Variants in COL1A2 observed in about 807,000 individuals in gnomAD.
The protein encoded by COL1A2 is collagen type I alpha 2 chain, also known as collagen alpha-2(I) chain.
Under a neutral mutation model 174.3 loss-of-function variants are expected in COL1A2, and 49 were observed. That is an observed-to-expected ratio of 0.28 (90% CI 0.22 to 0.36). COL1A2 has a LOEUF of 0.36. Among genes scored for constraint, COL1A2 ranks in the 10% least tolerant of loss-of-function variants. COL1A2 has a pLI of 1.00. For missense variants in COL1A2, 1,438 were observed against 1,822.7 expected, an observed-to-expected ratio of 0.79 and a Z score of 3.84; for synonymous variants, 655 against 606.6, an observed-to-expected ratio of 1.08 and a Z score of -1.17.
Position 94,413,151 on chromosome 7 carries a change from G to T in COL1A2, c.1557+15G>T, listed in dbSNP as rs1421808907. The T allele has an allele frequency of 6.2e-7, 1 of 1,613,220 alleles. No individual in the cohort carries two copies. Among genetic ancestry groups the T allele is most frequent in the South Asian group, 1.1e-5 (1 of 91,054 alleles). On this transcript the variant is annotated intron_variant, in intron 26 of 51. Transcript: ENST00000297268. ...CTGGTGCTCGGGTAGGTGCTAACTT[G>T]TGTACAGATCTATTCACATAGCATT... is the stretch of plus-strand genomic sequence containing the variant.
intron 38 of COL1A2, 23 bp downstream of exon 38, chr7:94,421,085 C>T (rs773021424): frequency 8.4e-5 from 136 of 1,613,186 alleles, no homozygotes; most frequent in Admixed American, 1.7e-4. Flanking sequence ...AATGGACTCT[C>T]GCCGCTTTTC....
rs184324735 is a variant in COL1A2 at position 94,397,586 on chromosome 7, G to A, written c.71-162G>A. Among the ~76,000 whole-genome samples, 468 of 151,940 alleles carry A rather than the reference G, an allele frequency of 3.1e-3. No homozygotes were observed. The highest frequency in any genetic ancestry group is 0.011 in the African/African-American group (446 of 41,470). ...CTGATCCCTGCCATACTTTTGACCTGCATAATTTCTAGGTCATTAAAATAT... is the reference window on the plus strand; with the variant it reads ...CTGATCCCTGCCATACTTTTGACCTACATAATTTCTAGGTCATTAAAATAT... On this transcript the variant is annotated intron_variant, in intron 1 of 51. Coordinates refer to ENST00000297268, the MANE Select transcript of COL1A2 (RefSeq NM_000089.4).
At chr7:94,419,409 C>T in intron 33 of COL1A2, 89 bp from the exon 34 acceptor site, 3 of 1,440,368 alleles carry the variant, frequency 2.1e-6, no homozygotes, top group Non-Finnish European at 2.9e-6. Flanking sequence ...TGTTCAGTCA[C>T]TGTATAAGCA....
intron 12 of COL1A2, among the ~76,000 whole-genome samples, chr7:94,407,032 T>C (rs1447831881): frequency 6.6e-6 from 1 of 152,198 alleles, no homozygotes; most frequent in Non-Finnish European, 1.5e-5. Context: ...CAGCTCAGAC[T>C]ACTAATCACT....
intron 39 of COL1A2, 162 bp from the exon 40 acceptor site, chr7:94,422,795 G>A (rs1372128690): frequency 3.3e-6 from 3 of 902,614 alleles, no homozygotes; most frequent in Non-Finnish European, 5.2e-6. Context: ...GCTTCTTTCT[G>A]CAAGAAAGAA....
chr7:94,413,646 C>T, intron 26 of COL1A2, 44 bp from the exon 27 acceptor site: 4 of 1,587,906 alleles, frequency 2.5e-6, no homozygotes, highest in Non-Finnish European at 3.5e-6. Context: ...CTTAAACTAC[C>T]TGGCTTGCAG....
intron 24 of COL1A2, among the ~76,000 whole-genome samples, 180 bp from the exon 25 acceptor site, chr7:94,412,404 G>A (rs1285671706): frequency 6.6e-6 from 1 of 151,662 alleles, no homozygotes; most frequent in Non-Finnish European, 1.5e-5. Context: ...GATTGAATTG[G>A]CTATGTGTGT....
chr7:94,401,529 TTA>T (rs747854678), intron 5 of COL1A2, 36 bp from the exon 6 acceptor site: 46 of 981,734 alleles, frequency 4.7e-5, no homozygotes, highest in South Asian at 1.4e-4. Flanking sequence ...TAAAAATATT[TTA>T]TATATATATA....
At chr7:94,429,107 T>TTG in intron 50 of COL1A2, 81 bp from the exon 51 acceptor site, 10 of 953,522 alleles carry the variant, frequency 1.0e-5, no homozygotes, top group East Asian at 5.6e-5. Context: ...TCTTTTTTTT[T>TTG]CTTTTTTTTT....
intron 41 of COL1A2, 48 bp downstream of exon 41, chr7:94,424,491 T>TA: frequency 6.6e-7 from 1 of 1,519,500 alleles, no homozygotes; most frequent in Non-Finnish European, 9.1e-7. Flanking sequence ...GAAAAGATTT[T>TA]AAAAGCTGCC....
chr7:94,406,165 A>G, intron 11 of COL1A2, 85 bp from the exon 12 acceptor site: 1 of 1,404,710 alleles, frequency 7.1e-7, no homozygotes, highest in Non-Finnish European at 1.0e-6. Flanking sequence ...CCCAAGAGAG[A>G]TTAATGGCAA....
Position 94,416,472 on chromosome 7 carries a change from CT to C in COL1A2, c.1834del (p.Ser612LeufsTer70). 6.3e-7 allele frequency: 1 copy of C among 1,582,094 alleles called. No individual in the cohort carries two copies. Among genetic ancestry groups the C allele is most frequent in the Non-Finnish European group, 8.6e-7 (1 of 1,163,164 alleles). ...ACTGGTCCTATTGGAAGCCGAGGTC[CT>C]TCTGGACCCCCAGGGCCTGATGGAA... ...GPTGPIGSRG[P>X]SGPPGPDGNK... On this transcript the variant is annotated frameshift_variant, in exon 31 of 52. Coordinates refer to ENST00000297268, the MANE Select transcript of COL1A2 (RefSeq NM_000089.4). LOFTEE classifies it high-confidence loss of function.
intron 32 of COL1A2, 57 bp from the exon 33 acceptor site, chr7:94,418,442 T>C (rs1792086163): frequency 6.1e-6 from 9 of 1,479,558 alleles, no homozygotes; most frequent in Non-Finnish European, 7.6e-6. Flanking sequence ...TTCATATTAA[T>C]TTCGATTCAA....
At chr7:94,420,164 C>G in intron 34 of COL1A2, 69 bp from the exon 35 acceptor site, 1 of 1,599,712 alleles carries the variant, frequency 6.3e-7, no homozygotes, top group Non-Finnish European at 8.6e-7. Flanking sequence ...CCACTGTTCT[C>G]TCTCCCTCCC....
chr7:94,395,830 A>AT (rs767733453), intron 1 of COL1A2, among the ~76,000 whole-genome samples: 7 of 152,176 alleles, frequency 4.6e-5, no homozygotes, highest in Non-Finnish European at 7.3e-5. Flanking sequence ...AAGTGTCTCA[A>AT]TTCACTTTCT....
intron 3 of COL1A2, among the ~76,000 whole-genome samples, 189 bp from the exon 4 acceptor site, chr7:94,398,860 A>T (rs2115855421): frequency 6.6e-6 from 1 of 152,262 alleles, no homozygotes; most frequent in Middle Eastern, 3.4e-3. Flanking sequence ...AGCTGAAAAA[A>T]AATTACGTAT....
chr7:94,426,156 T>G, intron 45 of COL1A2, 105 bp downstream of exon 45: 1 of 1,176,614 alleles, frequency 8.5e-7, no homozygotes, highest in East Asian at 2.4e-5. Context: ...CTTAATATTT[T>G]TTAAAAATTT....
chr7:94,420,122 C>A, intron 34 of COL1A2, 111 bp from the exon 35 acceptor site: 2 of 1,388,494 alleles, frequency 1.4e-6, no homozygotes, highest in Non-Finnish European at 1.0e-6. Flanking sequence ...TCAGTTATCT[C>A]TTCCAAGGCA....
intron 27 of COL1A2, 64 bp downstream of exon 27, chr7:94,413,807 A>T: frequency 6.2e-7 from 1 of 1,609,630 alleles, no homozygotes; most frequent in Non-Finnish European, 8.5e-7. Flanking sequence ...CAAACTGGCC[A>T]TCTCCATTTT....
Sources: gnomAD v4.1 joint callset for allele counts (sites outside exome capture counted in the v4.1 genomes callset) on GRCh38, gnomAD v4.1.1 for gene constraint, MANE v1.5 for transcripts, NCBI Gene and HGNC (gene_info 2026-07-23, HGNC 2026-07-21) for gene names.